Variants in TAFA1 observed in about 807,000 individuals in gnomAD.
TAFA1 encodes chemokine-like protein TAFA-1.
TAFA1 carries 4 observed loss-of-function variants against 18.5 expected under a neutral mutation model. The observed-to-expected ratio is 0.22, with a 90% CI of 0.11 to 0.49. TAFA1 has a LOEUF of 0.49. Among genes scored for constraint, TAFA1 ranks in the 20% least tolerant of loss-of-function variants. The pLI, the probability that TAFA1 is intolerant of heterozygous loss-of-function variation, is 0.98. For missense variants in TAFA1, 147 were observed against 169.0 expected, an observed-to-expected ratio of 0.87 and a Z score of 0.72; for synonymous variants, 56 against 55.2, an observed-to-expected ratio of 1.01 and a Z score of -0.06.
chr3:68,443,312 T>C (rs542102049), intron 3 of TAFA1, among the ~76,000 whole-genome samples: 1 of 151,988 alleles, frequency 6.6e-6, no homozygotes, highest in South Asian at 2.1e-4. Flanking sequence ...CCACCAAATA[T>C]CTGTGCCTAC....
At chr3:68,039,105 A>G (rs1421758172) in intron 2 of TAFA1, among the ~76,000 whole-genome samples, 1 of 152,164 alleles carries the variant, frequency 6.6e-6, no homozygotes, top group Non-Finnish European at 1.5e-5. Flanking sequence ...GCTGGTCCCC[A>G]TATCAGCACT....
At chr3:68,030,158 CATT>C (rs1322523877) in intron 2 of TAFA1, among the ~76,000 whole-genome samples, 3 of 152,032 alleles carry the variant, frequency 2.0e-5, no homozygotes, top group Non-Finnish European at 4.4e-5. Flanking sequence ...AAATGGGTGA[CATT>C]ATTAATAATG....
chr3:68,304,197 G>T (rs2068363937), intron 2 of TAFA1, among the ~76,000 whole-genome samples: 1 of 152,160 alleles, frequency 6.6e-6, no homozygotes, highest in African/African-American at 2.4e-5. Context: ...TGATTTAAAT[G>T]ATATATACTT....
At chr3:68,467,160 G>A (rs1178478205) in intron 3 of TAFA1, among the ~76,000 whole-genome samples, 7 of 152,100 alleles carry the variant, frequency 4.6e-5, no homozygotes, top group Admixed American at 4.6e-4. Context: ...CTGTTATCCT[G>A]TTTTTAAGGT....
chr3:68,297,486 T>A (rs2068229665), intron 2 of TAFA1, among the ~76,000 whole-genome samples: 1 of 152,152 alleles, frequency 6.6e-6, no homozygotes, highest in Non-Finnish European at 1.5e-5. Context: ...AGATTCTGAC[T>A]CCACAGATCT....
At chr3:68,087,634 C>G (rs2064987009) in intron 2 of TAFA1, among the ~76,000 whole-genome samples, 1 of 149,742 alleles carries the variant, frequency 6.7e-6, no homozygotes, top group South Asian at 2.1e-4. Flanking sequence ...TCCCACCCTT[C>G]TTTCCTTTCT....
intron 2 of TAFA1, among the ~76,000 whole-genome samples, chr3:68,144,665 C>G (rs1472590745): frequency 3.3e-5 from 5 of 152,184 alleles, no homozygotes; most frequent in African/African-American, 1.2e-4. Flanking sequence ...CCTGGCCACA[C>G]CTTTTATATC....
chr3:68,257,437 C>CTT (rs113497143), intron 2 of TAFA1, among the ~76,000 whole-genome samples: 20 of 142,718 alleles, frequency 1.4e-4, no homozygotes, highest in African/African-American at 4.1e-4. Flanking sequence ...CGGTGTCCAT[C>CTT]TTTTTTTTTT....
chr3:68,452,849 G>A (rs1390064284), intron 3 of TAFA1, among the ~76,000 whole-genome samples: 1 of 152,126 alleles, frequency 6.6e-6, no homozygotes, highest in East Asian at 1.9e-4. Flanking sequence ...ATTATTTAAG[G>A]CATTTTTACT....
At chr3:68,353,389 C>T (rs2069305934) in intron 2 of TAFA1, among the ~76,000 whole-genome samples, 1 of 152,010 alleles carries the variant, frequency 6.6e-6, no homozygotes, top group Non-Finnish European at 1.5e-5. Flanking sequence ...ATAGGTGATT[C>T]TCACCTTATC....
chr3:68,395,095 C>T (rs2070347474), intron 2 of TAFA1, among the ~76,000 whole-genome samples: 1 of 151,420 alleles, frequency 6.6e-6, no homozygotes, highest in South Asian at 2.1e-4. Context: ...CTTAAATTTG[C>T]AAGAAGAAAG....
At chr3:68,040,940 A>G (rs185902689) in intron 2 of TAFA1, among the ~76,000 whole-genome samples, 4 of 152,310 alleles carry the variant, frequency 2.6e-5, no homozygotes, top group Admixed American at 2.0e-4. Flanking sequence ...TACATCGCCA[A>G]TGAAGATTCC....
intron 3 of TAFA1, among the ~76,000 whole-genome samples, chr3:68,468,284 T>A (rs756489755): frequency 1.3e-5 from 2 of 152,194 alleles, no homozygotes; most frequent in African/African-American, 4.8e-5. Context: ...AAATGTTAAT[T>A]GATGGTACCT....
chr3:68,243,464 C>T (rs981851769), intron 2 of TAFA1, among the ~76,000 whole-genome samples: 2 of 152,116 alleles, frequency 1.3e-5, no homozygotes, highest in African/African-American at 2.4e-5. Context: ...GCCATACCTA[C>T]ACCTCCTCAC....
At chr3:68,141,439 C>T (rs944841572) in intron 2 of TAFA1, among the ~76,000 whole-genome samples, 131 of 152,216 alleles carry the variant, frequency 8.6e-4, no homozygotes, top group African/African-American at 3.1e-3. Context: ...GAACTCAGGT[C>T]GTCAGCAAGT....
chr3:68,250,075 G>A (rs143582894), intron 2 of TAFA1, among the ~76,000 whole-genome samples: 111 of 152,190 alleles, frequency 7.3e-4, no homozygotes, highest in African/African-American at 2.5e-3. Flanking sequence ...TTCATTCTGG[G>A]AGGAAAAGCA....
At chr3:68,371,283 A>C (rs1415364597) in intron 2 of TAFA1, among the ~76,000 whole-genome samples, 1 of 152,070 alleles carries the variant, frequency 6.6e-6, no homozygotes, top group Non-Finnish European at 1.5e-5. Flanking sequence ...ATAAATATAC[A>C]TGTGTCGTGG....
chr3:68,161,793 G>T (rs1382167801), intron 2 of TAFA1, among the ~76,000 whole-genome samples: 1 of 152,006 alleles, frequency 6.6e-6, no homozygotes, highest in African/African-American at 2.4e-5. Context: ...AGTCTTATTG[G>T]CATGGAGACT....
intron 3 of TAFA1, among the ~76,000 whole-genome samples, chr3:68,448,173 T>C (rs779242973): frequency 2.6e-5 from 4 of 152,166 alleles, no homozygotes; most frequent in Non-Finnish European, 5.9e-5. Context: ...CAGGGCTTCT[T>C]AAACTGTTTT....
Sources: allele counts gnomAD v4.1 joint callset (sites outside exome capture counted in the v4.1 genomes callset), GRCh38; gene constraint gnomAD v4.1.1; transcripts MANE v1.5; gene names NCBI Gene and HGNC (gene_info 2026-07-23, HGNC 2026-07-21).